The following BRAF variants were observed in gnomAD, a reference collection of about 807,000 sequenced individuals.
BRAF encodes the protein serine/threonine-protein kinase B-raf.
Under a neutral mutation model 104.6 loss-of-function variants are expected in BRAF, and 16 were observed. The observed-to-expected ratio is 0.15, with a 90% CI of 0.10 to 0.23. The LOEUF is 0.23. Ranked by LOEUF, BRAF falls within the 10% of genes least tolerant of loss-of-function variation. The pLI is 1.00. For missense variants in BRAF, 541 were observed against 937.3 expected, an observed-to-expected ratio of 0.58 and a Z score of 5.52; for synonymous variants, 310 against 341.6, an observed-to-expected ratio of 0.91 and a Z score of 1.02.
At chr7:140,923,188 AT>A in intron 1 of BRAF, among the ~76,000 whole-genome samples, 1 of 143,710 alleles carries the variant, frequency 7.0e-6, no homozygotes, top group South Asian at 2.1e-4. Flanking sequence ...TCCAAAGATG[AT>A]GATGCAAAAA....
At position 140,723,175 on chromosome 7, in the gene BRAF, G is replaced by A; in HGVS notation, c.*3319C>T. On this transcript the variant is annotated 3_prime_UTR_variant, in exon 20 of 20. Coordinates refer to ENST00000644969, the MANE Select transcript of BRAF (RefSeq NM_001374258.1). ...GCAGCTGGCGGGTGGATGTACAGTG[G>A]GGACAGGTGAGATCTGAGGAGGATG... The A allele has an allele frequency of 9.5e-7, 1 of 1,053,964 alleles. No individual in the cohort carries two copies. Among genetic ancestry groups the A allele is most frequent in the Non-Finnish European group, 1.1e-6 (1 of 872,348 alleles). 65.3% of individuals were successfully genotyped at this position (1,053,964 alleles called of 1,614,324 possible). A position where few individuals can be genotyped will look rare whatever the true frequency, so the allele number is the denominator to read the frequency against.
intron 1 of BRAF, among the ~76,000 whole-genome samples, chr7:140,913,729 G>T (rs553296663): frequency 1.3e-5 from 2 of 152,018 alleles, no homozygotes; most frequent in South Asian, 2.1e-4. Flanking sequence ...TGATCCACCC[G>T]CCAGGGCCTT....
chr7:140,920,688 T>C (rs1818118907), intron 1 of BRAF, among the ~76,000 whole-genome samples: 1 of 152,182 alleles, frequency 6.6e-6, no homozygotes, highest in Non-Finnish European at 1.5e-5. Context: ...ATTCCTTTAA[T>C]GGCCAACATA....
intron 1 of BRAF, among the ~76,000 whole-genome samples, chr7:140,876,048 C>T (rs1457150267): frequency 1.3e-5 from 2 of 152,110 alleles, no homozygotes; most frequent in African/African-American, 4.8e-5. Context: ...ATACATTAAC[C>T]CTCTCCTCTT....
rs1795367046 is a variant in BRAF at position 140,722,453 on chromosome 7, T to C, written c.*4041A>G. Reference sequence around the variant, plus strand: ...AGGCACAGTAAGATCATTTGGCAAATTGTCAAGGTATTTTTCTAGAGCCTC... The same window carrying C: ...AGGCACAGTAAGATCATTTGGCAAACTGTCAAGGTATTTTTCTAGAGCCTC... On this transcript the variant is annotated 3_prime_UTR_variant, in exon 20 of 20. Transcript: ENST00000644969. 9.5e-6 allele frequency: 10 copies of C among 1,054,934 alleles called. No homozygotes were observed. The highest frequency in any genetic ancestry group is 9.1e-5 in the South Asian group (2 of 21,882). 65.3% of individuals were successfully genotyped at this position (1,054,934 alleles called of 1,614,324 possible).
chr7:140,826,976 C>CCAAGA lies in BRAF; in HGVS notation c.504+7628_504+7632dup, dbSNP rs568962898. On this transcript the variant is annotated intron_variant, in intron 3 of 19. Transcript: ENST00000644969. ...GAATAATCCCCAACCTTTTTATTGT[C>CCAAGA]CAAGACATTAACTTATCAAGGAGTC... Among the ~76,000 whole-genome samples, 107 of 152,252 alleles carry CCAAGA rather than the reference C, an allele frequency of 7.0e-4. 1 individual carries two copies. Among genetic ancestry groups the CCAAGA allele is most frequent in the African/African-American group, 2.5e-3 (104 of 41,552 alleles).
At chr7:140,718,851 A>C (rs1457024387), downstream of BRAF, among the ~76,000 whole-genome samples, 1 of 151,616 alleles carries the variant, frequency 6.6e-6, no homozygotes, top group Non-Finnish European at 1.5e-5. Flanking sequence ...TAACCAGCAT[A>C]AAAAAAAATG....
At chr7:140,870,336 A>G (rs1230114789) in intron 1 of BRAF, among the ~76,000 whole-genome samples, 2 of 152,228 alleles carry the variant, frequency 1.3e-5, no homozygotes, top group African/African-American at 4.8e-5. Flanking sequence ...CTTATTTTAG[A>G]TAAGACTTCT....
At chr7:140,915,158 G>A (rs1586644179) in intron 1 of BRAF, among the ~76,000 whole-genome samples, 1 of 146,098 alleles carries the variant, frequency 6.8e-6, no homozygotes, top group Non-Finnish European at 1.5e-5. Context: ...AGCCAAAATA[G>A]AAATTTATTT....
chr7:140,875,489 C>T (rs540519310), intron 1 of BRAF, among the ~76,000 whole-genome samples: 2 of 152,348 alleles, frequency 1.3e-5, no homozygotes, highest in South Asian at 2.1e-4. Flanking sequence ...GATTTTCCTG[C>T]CTCAGCCTTC....
intron 1 of BRAF, among the ~76,000 whole-genome samples, chr7:140,859,360 G>A (rs963855784): frequency 2.0e-5 from 3 of 152,154 alleles, no homozygotes; most frequent in Non-Finnish European, 2.9e-5. Flanking sequence ...TATTACACAG[G>A]AGCCCTTTCC....
At chr7:140,800,543 T>TA (rs1347459107) in intron 6 of BRAF, 62 bp from the exon 7 acceptor site, 3 of 1,612,244 alleles carry the variant, frequency 1.9e-6, no homozygotes, top group African/African-American at 2.7e-5. Flanking sequence ...TATACCAAAA[T>TA]ACATAGTTAA....
At chr7:140,899,538 A>G (rs1477842317) in intron 1 of BRAF, among the ~76,000 whole-genome samples, 1 of 152,164 alleles carries the variant, frequency 6.6e-6, no homozygotes, top group Admixed American at 6.5e-5. Context: ...CATTTCTGCC[A>G]ATCTATATGA....
chr7:140,924,539 G>A lies in BRAF; in HGVS notation c.138+27C>T, dbSNP rs751858444. ...CCAGCCGCCGAGCCCGGAGTCGGGA[G>A]GGCGGCAGGGTGGCGCCAGCACTCA... On this transcript the variant is annotated intron_variant, in intron 1 of 19. Transcript: ENST00000644969. This position sits in a 1 kb window ranked among gnomAD's most constrained non-coding sequence, Gnocchi z 4.2. 4.8e-5 allele frequency: 73 copies of A among 1,533,864 alleles called. No individual in the cohort carries two copies. The highest frequency in any genetic ancestry group is 2.4e-5 in the East Asian group (1 of 41,064).
In BRAF at chr7:140,720,979, CG is replaced by C; in HGVS notation, c.*5514del. On this transcript the variant is annotated 3_prime_UTR_variant, in exon 20 of 20. Coordinates refer to ENST00000644969, the MANE Select transcript of BRAF (RefSeq NM_001374258.1). ...GTGCTGGAGAATGAACTCGGCTGGC[CG>C]GGAGAAGCAGATGGTTTGTACAAAC... The C allele has an allele frequency of 9.4e-7, 1 of 1,064,276 alleles. No homozygotes were observed. The highest frequency in any genetic ancestry group is 1.1e-6 in the Non-Finnish European group (1 of 878,770). 65.9% of individuals were successfully genotyped at this position (1,064,276 alleles called of 1,614,324 possible).
At chr7:140,799,369 T>G (rs1230855060) in intron 7 of BRAF, 1 of 232,584 alleles carries the variant, frequency 4.3e-6, no homozygotes, top group East Asian at 6.1e-5. Context: ...TGTATTTCAC[T>G]GCTAATTGAT....
chr7:140,830,239 T>C (rs995206298), intron 3 of BRAF, among the ~76,000 whole-genome samples: 10 of 152,232 alleles, frequency 6.6e-5, no homozygotes, highest in African/African-American at 2.4e-4. Flanking sequence ...GTTGGTGTTC[T>C]AGTCATATTT....
chr7:140,776,875 A>G, intron 14 of BRAF, 37 bp downstream of exon 13: 1 of 1,593,854 alleles, frequency 6.3e-7, no homozygotes, highest in Non-Finnish European at 8.6e-7. Context: ...ATGGTCTTCA[A>G]AAATAATTTA....
intron 16 of BRAF, among the ~76,000 whole-genome samples, chr7:140,752,992 T>C (rs1011926419): frequency 6.6e-6 from 1 of 152,164 alleles, no homozygotes; most frequent in Non-Finnish European, 1.5e-5. Flanking sequence ...TTTCAAAATA[T>C]TCGTTTTAAG....
Sources: allele counts gnomAD v4.1 joint callset (sites outside exome capture counted in the v4.1 genomes callset), GRCh38; gene constraint gnomAD v4.1.1; non-coding constraint Gnocchi (gnomAD v3.1); transcripts MANE v1.5; gene names NCBI Gene and HGNC (gene_info 2026-07-23, HGNC 2026-07-21).